The following CTNNA3 variants were observed in gnomAD, a reference collection of about 807,000 sequenced individuals.
CTNNA3 encodes catenin alpha 3.
Under a neutral mutation model 95.7 loss-of-function variants are expected in CTNNA3, and 76 were observed. That is an observed-to-expected ratio of 0.79 (90% CI 0.66 to 0.96). The LOEUF is 0.96. CTNNA3 is among the 40% of genes least tolerant of loss of function. The probability of loss-of-function intolerance (pLI) is 0.00; values close to 1 mark genes in which losing one functional copy is unlikely to be tolerated. For synonymous variants in CTNNA3, 431 were observed against 374.4 expected (o/e 1.15, Z -1.74); for missense variants, 1,191 against 1,089.8 (o/e 1.09, Z -1.31).
intron 9 of CTNNA3, among the ~76,000 whole-genome samples, chr10:66,638,748 T>A (rs1371160065): frequency 6.6e-6 from 1 of 151,668 alleles, no homozygotes; most frequent in Non-Finnish European, 1.5e-5. Context: ...TTGACCTACC[T>A]TTGTTGATTT....
chr10:66,439,156 A>G (rs1428432694), intron 11 of CTNNA3, among the ~76,000 whole-genome samples: 6 of 152,144 alleles, frequency 3.9e-5, no homozygotes, highest in African/African-American at 1.4e-4. Flanking sequence ...TCTATTCCTC[A>G]TGATACACAT....
intron 10 of CTNNA3, among the ~76,000 whole-genome samples, chr10:66,612,435 A>T (rs140922665): frequency 6.6e-6 from 1 of 152,126 alleles, no homozygotes; most frequent in Non-Finnish European, 1.5e-5. Flanking sequence ...TTCACTTGGC[A>T]CTAAGGGCTA....
At chr10:66,372,083 C>A (rs747539567) in intron 12 of CTNNA3, among the ~76,000 whole-genome samples, 9 of 152,046 alleles carry the variant, frequency 5.9e-5, no homozygotes, top group Non-Finnish European at 1.0e-4. Flanking sequence ...AACTGTGTTC[C>A]TATATGAAGT....
At chr10:66,149,609 A>C (rs1398003681) in intron 13 of CTNNA3, among the ~76,000 whole-genome samples, 1 of 110,400 alleles carries the variant, frequency 9.1e-6, no homozygotes. Flanking sequence ...TTTAAAATAA[A>C]GTATTCTTGA....
intron 5 of CTNNA3, among the ~76,000 whole-genome samples, chr10:67,479,296 T>C (rs1314358466): frequency 6.6e-6 from 1 of 152,154 alleles, no homozygotes; most frequent in Non-Finnish European, 1.5e-5. Flanking sequence ...GAATATATAA[T>C]ACATTCTTTT....
intron 13 of CTNNA3, among the ~76,000 whole-genome samples, chr10:66,210,472 A>G (rs1392187076): frequency 6.6e-6 from 1 of 152,088 alleles, no homozygotes; most frequent in Non-Finnish European, 1.5e-5. Flanking sequence ...CATAATGTAA[A>G]TAATGTATTA....
At position 65,944,848 on chromosome 10, in the gene CTNNA3, ATATCTGTCTATC is replaced by A. The variant is rs1319326455; in HGVS notation, c.2400+21752_2400+21763del. On this transcript the variant is annotated intron_variant, in intron 17 of 17. Transcript: ENST00000433211. ...AAGAAGTATAGTAACAAACAAGAAA[ATATCTGTCTATC>A]TATCTATCTATCTATCTATCTATCT... 9.1e-3 allele frequency among the ~76,000 whole-genome samples: 1,205 copies of A among 132,692 alleles called. 19 individuals are homozygous for A. The highest frequency in any genetic ancestry group is 0.031 in the African/African-American group (1,043 of 33,454). The allele number at this position is 132,692 out of a possible 152,430, so 87.1% of individuals were successfully genotyped here.
At chr10:65,975,621 G>C (rs562998325) in intron 16 of CTNNA3, among the ~76,000 whole-genome samples, 16 of 152,196 alleles carry the variant, frequency 1.1e-4, no homozygotes, top group Non-Finnish European at 1.8e-4. Context: ...TCTCTTGACA[G>C]GCAGCTGATC....
intron 9 of CTNNA3, among the ~76,000 whole-genome samples, chr10:66,748,871 T>C (rs1242524524): frequency 2.0e-5 from 3 of 151,860 alleles, no homozygotes; most frequent in Non-Finnish European, 4.4e-5. Context: ...GTCCATAGTT[T>C]ACATAAAGAT....
At chr10:67,222,620 C>G (rs557270398) in intron 5 of CTNNA3, among the ~76,000 whole-genome samples, 5 of 152,156 alleles carry the variant, frequency 3.3e-5, no homozygotes, top group Admixed American at 6.5e-5. Flanking sequence ...CAAGCTCTAC[C>G]TACAGTCATC....
intron 5 of CTNNA3, among the ~76,000 whole-genome samples, chr10:67,337,263 G>A (rs1346401897): frequency 1.3e-5 from 2 of 148,952 alleles, no homozygotes; most frequent in East Asian, 1.9e-4. Context: ...TTGAAAAACT[G>A]TGAGGGCTTC....
intron 12 of CTNNA3, among the ~76,000 whole-genome samples, chr10:66,314,641 T>A (rs935060019): frequency 6.6e-6 from 1 of 152,098 alleles, no homozygotes; most frequent in Non-Finnish European, 1.5e-5. Context: ...AGCTTCAATA[T>A]CTTATAAAAT....
chr10:66,766,279 G>T lies in CTNNA3; in HGVS notation c.1266C>A (p.Thr422=). 2 of 1,613,728 alleles carry T rather than the reference G, an allele frequency of 1.2e-6. No homozygotes were observed. Among genetic ancestry groups the T allele is most frequent in the Non-Finnish European group, 1.7e-6 (2 of 1,179,780 alleles). Residue 422 remains threonine (T), a synonymous_variant, in exon 9 of 18, where the codon ACC becomes ACA. Transcript: ENST00000433211. ...KEYAAIFHEH[T]SRLVEVANLA... ...GCATGCTTACCTCTACAAGCCTGCT[G>T]GTGTGTTCATGAAATATCGCAGCAT...
chr10:66,425,632 T>A (rs938345204), intron 11 of CTNNA3, among the ~76,000 whole-genome samples: 3 of 152,064 alleles, frequency 2.0e-5, no homozygotes, highest in Non-Finnish European at 2.9e-5. Flanking sequence ...GTTTTACCTA[T>A]ATACACATTT....
At chr10:66,242,619 A>C (rs1381926512) in intron 13 of CTNNA3, among the ~76,000 whole-genome samples, 1 of 152,236 alleles carries the variant, frequency 6.6e-6, no homozygotes, top group Non-Finnish European at 1.5e-5. Flanking sequence ...TAAAATCAAA[A>C]GGACTGATAA....
chr10:67,025,271 G>C (rs1314806042), intron 7 of CTNNA3, among the ~76,000 whole-genome samples: 3 of 151,656 alleles, frequency 2.0e-5, no homozygotes, highest in Admixed American at 6.6e-5. Context: ...ACTAAATTCT[G>C]GTATATTTGC....
rs970924071 is a variant in CTNNA3 at position 67,563,959 on chromosome 10, G to C, written c.293-24290C>G. ...CACAATGAGATACCATCTCACACCA[G>C]TTAGAATGGCGATCATTAAAAAGTC... On this transcript the variant is annotated intron_variant, in intron 3 of 17. Transcript: ENST00000433211. 5.4e-5 allele frequency among the ~76,000 whole-genome samples: 8 copies of C among 149,206 alleles called. 1 individual carries two copies. The highest frequency in any genetic ancestry group is 1.0e-4 in the African/African-American group (4 of 39,812).
Position 66,103,204 on chromosome 10 carries a change from C to T in CTNNA3, c.1930G>A (p.Glu644Lys), listed in dbSNP as rs1181936939. 5.0e-6 allele frequency: 8 copies of T among 1,614,112 alleles called. No individual in the cohort carries two copies. Among genetic ancestry groups the T allele is most frequent in the African/African-American group, 4.0e-5 (3 of 75,046 alleles). ...TGAATGCTGGTGTGACTGCGGACCT[C>T]GTGTTCCTCTTCAAGGTCAGAAACA... ...EDVSDLEEEH[E>K]VRSHTSIQTE... The change falls in exon 14 of 18, where the codon GAG (glutamate) becomes AAG (lysine). Residue 644 changes from glutamate (E) to lysine (K), a missense_variant. Coordinates refer to ENST00000433211, the MANE Select transcript of CTNNA3 (RefSeq NM_013266.4).
chr10:66,432,215 T>G lies in CTNNA3; in HGVS notation c.1532-52863A>C, dbSNP rs544144216. ...GTATAGTTTAAAATCTTAAAAGTGA[T>G]TGTTACAAAACTAAATTGTATCAAA... On this transcript the variant is annotated intron_variant, in intron 11 of 17. Coordinates refer to ENST00000433211, the MANE Select transcript of CTNNA3 (RefSeq NM_013266.4). Among the ~76,000 whole-genome samples, 118 of 152,270 alleles carry G rather than the reference T, an allele frequency of 7.7e-4. 1 individual carries two copies. Among genetic ancestry groups the G allele is most frequent in the African/African-American group, 2.7e-3 (113 of 41,568 alleles).
Sources: allele counts gnomAD v4.1 joint callset (sites outside exome capture counted in the v4.1 genomes callset), GRCh38; gene constraint gnomAD v4.1.1; transcripts MANE v1.5; gene names NCBI Gene and HGNC (gene_info 2026-07-23, HGNC 2026-07-21).